Variants in NEBL observed in about 807,000 individuals in gnomAD.
NEBL encodes nebulette.
In NEBL, 122 loss-of-function variants were observed where a neutral mutation model predicts 140.2. The observed-to-expected ratio is 0.87, with a 90% CI of 0.75 to 1.01. The LOEUF is 1.01. NEBL is among the 50% of genes least tolerant of loss of function. The pLI is 0.00. For missense variants in NEBL, 1,365 were observed against 1,231.3 expected, an observed-to-expected ratio of 1.11 and a Z score of -1.62; for synonymous variants, 436 against 398.9, an observed-to-expected ratio of 1.09 and a Z score of -1.11.
chr10:20,946,945 C>T (rs907918518), intron 4 of NEBL, among the ~76,000 whole-genome samples: 1 of 152,034 alleles, frequency 6.6e-6, no homozygotes. Context: ...CCAGGAGGCT[C>T]ACCACCCCAA....
chr10:20,933,064 CA>C lies in NEBL; in HGVS notation c.357+28607del, dbSNP rs375383000. 2.6e-3 allele frequency among the ~76,000 whole-genome samples: 368 copies of C among 143,418 alleles called. 1 individual carries two copies. Among genetic ancestry groups the C allele is most frequent in the African/African-American group, 8.1e-3 (317 of 39,174 alleles). The allele number at this position is 143,418 out of a possible 152,430, so 94.1% of individuals were successfully genotyped here. A position where few individuals can be genotyped will look rare whatever the true frequency, so the allele number is the denominator to read the frequency against. On this transcript the variant is annotated intron_variant, in intron 4 of 6. Coordinates refer to the NEBL transcript ENST00000417816. ...AAAATGCATGCACAAGTTTGCATGA[CA>C]AAAAAAAAAGGTACAATCGATTAGA...
intron 9 of NEBL, among the ~76,000 whole-genome samples, chr10:20,857,932 C>G (rs1040614700): frequency 6.6e-6 from 1 of 152,100 alleles, no homozygotes; most frequent in Non-Finnish European, 1.5e-5. Flanking sequence ...AGAGCCTGAA[C>G]TTCAAGTGGC....
At position 20,785,827 on chromosome 10, in the gene NEBL, C is replaced by T. The variant is rs868003827; in HGVS notation, c.2965G>A (p.Asp989Asn). ...DYIVNVQPID[D>N]GWMYGTVQRT... ...TGCACTGTGCCGTACATCCAGCCAT[C>T]GTCAATAGGCTGCACGTTGACGATG... is the stretch of plus-strand genomic sequence containing the variant. The change falls in exon 28 of 28, where the codon GAT becomes AAT. Residue 989 changes from aspartate (D) to asparagine (N), a missense_variant. Physicochemically the swap from Asp to Asn is conservative, Grantham distance 23. Transcript: ENST00000377122. The T allele has an allele frequency of 4.3e-6, 7 of 1,613,892 alleles. No homozygotes were observed. The highest frequency in any genetic ancestry group is 1.3e-5 in the African/African-American group (1 of 74,904).
At chr10:21,023,822 G>A (rs79301401) in intron 2 of NEBL, among the ~76,000 whole-genome samples, 1 of 152,090 alleles carries the variant, frequency 6.6e-6, no homozygotes, top group African/African-American at 2.4e-5. Flanking sequence ...TTCACTATGT[G>A]TGCACAAATT....
chr10:21,181,371 C>A (rs1220060548), intron 3 of NEBL, among the ~76,000 whole-genome samples: 3 of 147,054 alleles, frequency 2.0e-5, no homozygotes, highest in Non-Finnish European at 3.0e-5. Context: ...AAAAAAAAAA[C>A]CAAAGTGAAG....
intron 2 of NEBL, among the ~76,000 whole-genome samples, chr10:21,051,055 T>C (rs1834755783): frequency 6.6e-6 from 1 of 152,114 alleles, no homozygotes; most frequent in Non-Finnish European, 1.5e-5. Context: ...TAGAAGAAAT[T>C]ATATGCCCCT....
chr10:21,183,979 C>G lies in NEBL; in HGVS notation n.349-11502G>C, dbSNP rs529252099. Among the ~76,000 whole-genome samples, 4 of 152,240 alleles carry G rather than the reference C, an allele frequency of 2.6e-5. No homozygotes were observed. The East Asian group carries it at 7.7e-4, about 29-fold the overall frequency. On this transcript the variant is annotated intron_variant and non_coding_transcript_variant, in intron 3 of 8. Transcript: ENST00000675702. Reference sequence around the variant, plus strand: ...GCCGCCATGTGAGACCTGCCTTTCACCTTCCACCTTCCACCATGATTGTGA... The same window carrying G: ...GCCGCCATGTGAGACCTGCCTTTCAGCTTCCACCTTCCACCATGATTGTGA...
upstream of NEBL, chr10:20,899,296 C>T (rs1194789472): frequency 1.2e-6 from 1 of 868,356 alleles, no homozygotes; most frequent in African/African-American, 1.8e-5. Flanking sequence ...CCAAAACTGC[C>T]TGAGACACAC....
intron 3 of NEBL, among the ~76,000 whole-genome samples, chr10:20,998,169 G>T (rs1181025038): frequency 6.6e-6 from 1 of 152,262 alleles, no homozygotes; most frequent in African/African-American, 2.4e-5. Flanking sequence ...TAATGACAAT[G>T]CTGAGATAGC....
At chr10:21,069,281 G>A (rs561601088) in intron 2 of NEBL, among the ~76,000 whole-genome samples, 80 of 152,204 alleles carry the variant, frequency 5.3e-4, no homozygotes, top group Admixed American at 2.2e-3. Flanking sequence ...TTCTCCCTTC[G>A]TTTTTCATAA....
chr10:21,254,599 A>G lies in NEBL; in HGVS notation n.183-2771T>C, dbSNP rs1038377780. Among the ~76,000 whole-genome samples the G allele has an allele frequency of 2.6e-5, 4 of 152,188 alleles. No individual in the cohort carries two copies. The East Asian group carries it at 7.7e-4, about 29-fold the overall frequency. On this transcript the variant is annotated intron_variant and non_coding_transcript_variant, in intron 1 of 8. Transcript: ENST00000675702. ...GCTGGTATTACAGGTGTGCACCACC[A>G]CATCCAACTAATAATAATGGAATTT... is the stretch of plus-strand genomic sequence containing the variant.
intron 2 of NEBL, among the ~76,000 whole-genome samples, chr10:21,154,983 G>A (rs1162828482): frequency 2.0e-5 from 3 of 152,208 alleles, no homozygotes; most frequent in Non-Finnish European, 2.9e-5. Flanking sequence ...GGTGGATCAC[G>A]AGGTCAGGAG....
Position 20,787,209 on chromosome 10 carries a change from G to A in NEBL, c.2861C>T (p.Pro954Leu). ...TATCAAATGGACACTTACTAGATTT[G>A]GTGAATGCTGCATTGATCTCATGGA... ...VSSMRSMQHS[P>L]NLRTYRAMYD... The change falls in exon 27 of 28, where the codon CCA (proline) becomes CTA (leucine). Residue 954 changes from proline to leucine, a missense_variant. Physicochemically the swap from Pro to Leu is moderately conservative, Grantham distance 98. This residue lies in a region of NEBL where 1,323 missense variants were observed against 1,154.8 expected (regional missense o/e 1.15). Transcript: ENST00000377122. 4 of 1,608,592 alleles carry A rather than the reference G, an allele frequency of 2.5e-6. No individual in the cohort carries two copies. Among genetic ancestry groups the A allele is most frequent in the Non-Finnish European group, 3.4e-6 (4 of 1,175,920 alleles).
intron 3 of NEBL, among the ~76,000 whole-genome samples, chr10:20,966,899 G>A (rs1236874791): frequency 1.3e-5 from 2 of 152,130 alleles, no homozygotes; most frequent in African/African-American, 4.8e-5. Context: ...AAGCCAACTG[G>A]GACCAGAGAC....
rs114745410 is a variant in NEBL, at chr10:21,230,358, T to C, written n.348+17563A>G. On this transcript the variant is annotated intron_variant and non_coding_transcript_variant, in intron 3 of 8. Coordinates refer to the NEBL transcript ENST00000675702. ...CCTAGGATGAGCTGAGCATGCATGT[T>C]AAAGCACATTACATGGGAGAAAGTA... is the stretch of plus-strand genomic sequence containing the variant. Among the ~76,000 whole-genome samples the C allele has an allele frequency of 1.1e-3, 162 of 152,274 alleles. 2 individuals carry two copies. The highest frequency in any genetic ancestry group is 3.8e-3 in the African/African-American group (156 of 41,556).
intron 2 of NEBL, among the ~76,000 whole-genome samples, chr10:21,100,364 T>C (rs534882300): frequency 3.9e-5 from 6 of 152,270 alleles, no homozygotes; most frequent in African/African-American, 1.4e-4. Flanking sequence ...AGCTGAAAAA[T>C]GAGGAGCTCA....
chr10:21,276,561 TC>T lies in NEBL; in HGVS notation n.182+16268del, dbSNP rs542928218. 2.0e-4 allele frequency among the ~76,000 whole-genome samples: 30 copies of T among 152,336 alleles called. 1 individual carries two copies. In the East Asian group the frequency reaches 5.8e-3, roughly 29 times the overall value. ...CTGATTGCCACTCGAGTATGATGGC[TC>T]ATGCCTATAATCCCAGCCTTTGGGA... On this transcript the variant is annotated intron_variant and non_coding_transcript_variant, in intron 1 of 8. Coordinates refer to the NEBL transcript ENST00000675702.
chr10:20,924,297 C>T (rs536532088), intron 4 of NEBL, among the ~76,000 whole-genome samples: 1 of 151,396 alleles, frequency 6.6e-6, no homozygotes, highest in African/African-American at 2.4e-5. Context: ...TCTTCTGAGA[C>T]CCTGAAAGTT....
rs759094054 is a variant in NEBL at position 20,889,853 on chromosome 10, T to A, written c.250A>T (p.Ile84Phe). 3.7e-6 allele frequency: 6 copies of A among 1,605,516 alleles called. No individual in the cohort carries two copies. In the African/African-American group the frequency reaches 6.7e-5, roughly 18 times the overall value. The change falls in exon 3 of 28, where the codon ATT becomes TTT. Residue 84 changes from isoleucine to phenylalanine, a missense_variant. Coordinates refer to ENST00000377122, the MANE Select transcript of NEBL (RefSeq NM_006393.3). The part of the protein sequence containing the change: ...LNHVKNIGAF[I>F]SEAKYKGTIK... ...AGCTTTTGATACCTTACCTCAGAAATAAAAGCACCGATATTTTTTACATGG... is the reference window on the plus strand; with the variant it reads ...AGCTTTTGATACCTTACCTCAGAAAAAAAAGCACCGATATTTTTTACATGG...
Sources: allele counts gnomAD v4.1 joint callset (sites outside exome capture counted in the v4.1 genomes callset), GRCh38; gene constraint gnomAD v4.1.1; regional missense constraint gnomAD v4.1.1; transcripts MANE v1.5; gene names NCBI Gene and HGNC (gene_info 2026-07-23, HGNC 2026-07-21).